SUN2: variants seen among roughly 807,000 people sequenced by gnomAD.
The protein encoded by SUN2 is Sad1 and UNC84 domain containing 2.
Under a neutral mutation model 100.0 loss-of-function variants are expected in SUN2, and 60 were observed. The ratio of observed to expected loss-of-function variants is 0.60; its 90% CI spans 0.49 to 0.74. The LOEUF (loss-of-function observed/expected upper bound fraction) is 0.74, where lower values mean the gene tolerates loss of function less well. Among genes scored for constraint, SUN2 ranks in the 30% least tolerant of loss-of-function variants. SUN2 has a pLI of 0.00. For synonymous variants in SUN2, 367 were observed against 403.3 expected, an observed-to-expected ratio of 0.91 and a Z score of 1.08; for missense variants, 834 against 954.6, an observed-to-expected ratio of 0.87 and a Z score of 1.66.
chr22:38,751,163 G>T (rs780162195), intron 3 of SUN2, 47 bp downstream of exon 3: 1 of 1,603,906 alleles, frequency 6.2e-7, no homozygotes, highest in South Asian at 1.1e-5. Flanking sequence ...AGTATCTCGC[G>T]GGAGGCCGAG....
rs2092867412 is a variant in SUN2, at chr22:38,742,468, C to T, written c.901G>A (p.Glu301Lys). 2 of 1,613,588 alleles carry T rather than the reference C, an allele frequency of 1.2e-6. No homozygotes were observed. Among genetic ancestry groups the T allele is most frequent in the South Asian group, 1.1e-5 (1 of 91,092 alleles). ...AAEFSSNWQK[E>K]AMRLERLELR... is the part of the protein sequence containing the mutation. ...TCCAGACGTTCCAGCCGCATGGCCT[C>T]CTTCTGCCAGTTGGAGGAAAATTCA... The change falls in exon 9 of 18, where the codon GAG (glutamate) becomes AAG (lysine). Residue 301 changes from glutamate to lysine, a missense_variant. Physicochemically the swap from Glu to Lys is moderately conservative, Grantham distance 56. Coordinates refer to ENST00000689035, the MANE Select transcript of SUN2 (RefSeq NM_015374.3).
intron 9 of SUN2, among the ~76,000 whole-genome samples, 161 bp downstream of exon 9, chr22:38,742,140 C>G (rs2092863123): frequency 6.7e-6 from 1 of 149,502 alleles, no homozygotes; most frequent in Non-Finnish European, 1.5e-5. Context: ...GAGATATTGT[C>G]TCAAAAAGAA....
At position 38,750,269 on chromosome 22, in the gene SUN2, A is replaced by T. The variant is rs769304615; in HGVS notation, c.476T>A (p.Val159Asp). ...CCAGAGTAAGGAGCCCGCCCGTGAG[A>T]CGGCGCTTCGGAGCCGCGAGCTGGA... The part of the protein sequence containing the change: ...QSSSSRLRSA[V>D]SRAGSLLWMV... The change falls in exon 5 of 18, where the codon GTC (valine) becomes GAC (aspartate). Residue 159 changes from valine to aspartate, a missense_variant. This residue lies in a region of SUN2 where 559 missense variants were observed against 597.7 expected (regional missense o/e 0.94). Transcript: ENST00000689035. 1 of 1,613,780 alleles carries T rather than the reference A, an allele frequency of 6.2e-7. No homozygotes were observed. Among genetic ancestry groups the T allele is most frequent in the Admixed American group, 1.7e-5 (1 of 60,020 alleles).
rs1479094941 is a variant in SUN2 at position 38,734,972 on chromosome 22, C to T, written c.*1295G>A. The T allele has an allele frequency of 3.5e-6, 1 of 283,790 alleles. No individual in the cohort carries two copies. Among genetic ancestry groups the T allele is most frequent in the African/African-American group, 2.3e-5 (1 of 44,392 alleles). The allele number at this position is 283,790 out of a possible 1,614,324, so 17.6% of individuals were successfully genotyped here. On this transcript the variant is annotated 3_prime_UTR_variant, in exon 18 of 18. Coordinates refer to ENST00000689035, the MANE Select transcript of SUN2 (RefSeq NM_015374.3). ...TTGCCCCTTCCCCGCAGCCAGACCA[C>T]CAGACACAGCCGGAACCAGTGCCCC...
chr22:38,739,030 G>C lies in SUN2; in HGVS notation c.1664-42C>G, dbSNP rs1569295327. 9 of 1,561,010 alleles carry C rather than the reference G, an allele frequency of 5.8e-6. No homozygotes were observed. The highest frequency in any genetic ancestry group is 7.8e-6 in the Non-Finnish European group (9 of 1,149,420). On this transcript the variant is annotated intron_variant, in intron 14 of 17. Transcript: ENST00000689035. This position sits in a 1 kb window ranked among gnomAD's most constrained non-coding sequence, Gnocchi z 6.7. ...AGGCAGGGTGGGCTCCCGCACGGGAGGAGGGCCCCGCTCAGGCCATTGGCT... is the reference window on the plus strand; with the variant it reads ...AGGCAGGGTGGGCTCCCGCACGGGACGAGGGCCCCGCTCAGGCCATTGGCT...
At chr22:38,745,854 C>A in intron 7 of SUN2, 43 bp from the exon 8 acceptor site, 1 of 1,604,070 alleles carries the variant, frequency 6.2e-7, no homozygotes, top group Non-Finnish European at 8.5e-7. Context: ...GGGCCTCCAG[C>A]AAGAGGCGCG....
At position 38,751,001 on chromosome 22, in the gene SUN2, C is replaced by G; in HGVS notation, c.321G>C (p.Thr107=). 6.2e-7 allele frequency: 1 copy of G among 1,613,644 alleles called. No homozygotes were observed. Among genetic ancestry groups the G allele is most frequent in the East Asian group, 2.2e-5 (1 of 44,872 alleles). Residue 107 remains threonine, a synonymous_variant, in exon 4 of 18, where the codon ACG becomes ACC. Transcript: ENST00000689035. ...EDLRVRRRRG[T]GGSESSRASG... ...TGGCCCTGCTGCTCTCTGAGCCACC[C>G]GTGCCTCTCCTCCTCCGCACCCGCA...
chr22:38,754,614 C>A (rs1188882076), intron 1 of SUN2: 14 of 788,874 alleles, frequency 1.8e-5, no homozygotes, highest in Admixed American at 2.4e-5. Flanking sequence ...CCCCTCCCCC[C>A]TCCCTGCCCC....
chr22:38,735,290 C>T lies in SUN2; in HGVS notation c.*977G>A, dbSNP rs750804504. 2.0e-5 allele frequency: 9 copies of T among 453,644 alleles called. No individual in the cohort carries two copies. The highest frequency in any genetic ancestry group is 3.1e-5 in the South Asian group (2 of 64,326). The allele number at this position is 453,644 out of a possible 1,614,324, so 28.1% of individuals were successfully genotyped here. On this transcript the variant is annotated 3_prime_UTR_variant, in exon 18 of 18. Coordinates refer to ENST00000689035, the MANE Select transcript of SUN2 (RefSeq NM_015374.3). ...AGCCCAAGGGGGCAGCCTGAGCGGA[C>T]GACCCCTACATCAGGGCCTGGTTAG...
intron 1 of SUN2, among the ~76,000 whole-genome samples, chr22:38,753,404 C>T (rs1164881813): frequency 5.3e-5 from 8 of 151,836 alleles, no homozygotes; most frequent in African/African-American, 1.5e-4. Context: ...TTAATAGAGA[C>T]GGGGTTTCGC....
rs2092952544 is a variant in SUN2 at position 38,752,381 on chromosome 22, C to T, written c.122+126G>A. ...ACCCCCTCGACCGGACGGGGGCCCA[C>T]GTCCTTCGATTTCCACCCAAGGTTG... On this transcript the variant is annotated intron_variant, in intron 2 of 17. Transcript: ENST00000689035. The T allele has an allele frequency of 1.6e-5, 20 of 1,243,942 alleles. No individual in the cohort carries two copies. In the South Asian group the frequency reaches 1.8e-4, roughly 11 times the overall value. The allele number at this position is 1,243,942 out of a possible 1,614,324, so 77.1% of individuals were successfully genotyped here.
intron 8 of SUN2, among the ~76,000 whole-genome samples, chr22:38,744,591 TA>T (rs1862767221): frequency 6.6e-6 from 1 of 152,226 alleles, no homozygotes; most frequent in African/African-American, 2.4e-5. Context: ...AAAAAATTTT[TA>T]AATGAATAAT....
At chr22:38,745,930 C>A in intron 7 of SUN2, 119 bp from the exon 8 acceptor site, 2 of 1,449,100 alleles carry the variant, frequency 1.4e-6, no homozygotes, top group Non-Finnish European at 1.8e-6. Flanking sequence ...TGGAGCTGTG[C>A]CCTTCCAGAG....
Position 38,734,984 on chromosome 22 carries a change from G to A in SUN2, c.*1283C>T, listed in dbSNP as rs369065797. 47 of 287,120 alleles carry A rather than the reference G, an allele frequency of 1.6e-4. 1 individual carries two copies. Among genetic ancestry groups the A allele is most frequent in the African/African-American group, 7.6e-4 (34 of 44,602 alleles). 17.8% of individuals were successfully genotyped at this position (287,120 alleles called of 1,614,324 possible). A position where few individuals can be genotyped will look rare whatever the true frequency, so the allele number is the denominator to read the frequency against. ...CGCAGCCAGACCACCAGACACAGCC[G>A]GAACCAGTGCCCCAGGCCCCTCTCC... On this transcript the variant is annotated 3_prime_UTR_variant, in exon 18 of 18. Coordinates refer to ENST00000689035, the MANE Select transcript of SUN2 (RefSeq NM_015374.3).
intron 9 of SUN2, 147 bp from the exon 10 acceptor site, chr22:38,741,718 C>G: frequency 2.9e-6 from 2 of 688,690 alleles, no homozygotes; most frequent in Non-Finnish European, 5.1e-6. Context: ...ACGCAAGACT[C>G]CCGCTTCAGC....
intron 17 of SUN2, 103 bp from the exon 18 acceptor site, chr22:38,736,483 C>A: frequency 8.1e-6 from 7 of 863,288 alleles, no homozygotes; most frequent in South Asian, 3.7e-5. Context: ...CAGATGGCTC[C>A]CCTGCTCCTT....
rs1011658056 is a variant in SUN2 at position 38,740,214 on chromosome 22, C to T, written c.1356+53G>A. On this transcript the variant is annotated intron_variant, in intron 12 of 17. Coordinates refer to ENST00000689035, the MANE Select transcript of SUN2 (RefSeq NM_015374.3). The surrounding 1 kb of genome is among the most constrained non-coding windows in gnomAD (Gnocchi z 4.8). ...CTGCTTTGCAGGCCCCAGGACACGT[C>T]GTCTCAAAGGAGGAGGAGAGGGACC... 2.6e-5 allele frequency: 39 copies of T among 1,481,994 alleles called. No homozygotes were observed. The highest frequency in any genetic ancestry group is 2.1e-4 in the Admixed American group (9 of 42,516). The allele number at this position is 1,481,994 out of a possible 1,614,324, so 91.8% of individuals were successfully genotyped here. A position where few individuals can be genotyped will look rare whatever the true frequency, so the allele number is the denominator to read the frequency against.
chr22:38,736,595 CA>C (rs2092807522), intron 17 of SUN2: 1 of 419,712 alleles, frequency 2.4e-6, no homozygotes, highest in Non-Finnish European at 4.2e-6. Context: ...TAGCACACTT[CA>C]TCTGAAACCG....
Position 38,736,280 on chromosome 22 carries a change from T to C in SUN2, c.2141A>G (p.Glu714Gly). 6.2e-7 allele frequency: 1 copy of C among 1,612,954 alleles called. No homozygotes were observed. Among genetic ancestry groups the C allele is most frequent in the East Asian group, 2.2e-5 (1 of 44,854 alleles). ...CAGTAAGCAGGGCTAGTGGGCGGGC[T>C]CCCCATGCACTCTGAAGCGGTAGAT... ...TCIYRFRVHG[E>G]PAH The change falls in exon 18 of 18, where the codon GAG (glutamate) becomes GGG (glycine). Residue 714 changes from glutamate to glycine, a missense_variant. Physicochemically the swap from Glu to Gly is moderately conservative, Grantham distance 98. This residue lies in a region of SUN2 where 80 missense variants were observed against 76.7 expected (regional missense o/e 1.04). Coordinates refer to ENST00000689035, the MANE Select transcript of SUN2 (RefSeq NM_015374.3).
Sources: gnomAD v4.1 joint callset for allele counts (sites outside exome capture counted in the v4.1 genomes callset) on GRCh38, gnomAD v4.1.1 for gene constraint, gnomAD v4.1.1 regional missense constraint, Gnocchi (gnomAD v3.1) non-coding constraint, MANE v1.5 for transcripts, NCBI Gene and HGNC (gene_info 2026-07-23, HGNC 2026-07-21) for gene names.